Variants in RUNX1 observed in about 807,000 individuals in gnomAD.
RUNX1 encodes RUNX family transcription factor 1, also known as runt-related transcription factor 1.
In RUNX1, 19 loss-of-function variants were observed where a neutral mutation model predicts 42.8. That is an observed-to-expected ratio of 0.44 (90% CI 0.31 to 0.65). The LOEUF is 0.65. Among genes scored for constraint, RUNX1 ranks in the 30% least tolerant of loss-of-function variants. The pLI is 0.07. For missense variants in RUNX1, 528 were observed against 672.0 expected (o/e 0.79, Z 2.37); for synonymous variants, 271 against 289.4 (o/e 0.94, Z 0.64).
At position 34,789,516 on chromosome 21, in the gene RUNX1, C is replaced by T. The variant is rs568852182; in HGVS notation, c.*2619G>A. ...ATTGGCTTAAGGGTCTCATTGATACCTTAACTTTCCTGAGGGCAATGAATA... is the reference window on the plus strand; with the variant it reads ...ATTGGCTTAAGGGTCTCATTGATACTTTAACTTTCCTGAGGGCAATGAATA... On this transcript the variant is annotated 3_prime_UTR_variant, in exon 9 of 9. Transcript: ENST00000675419. 1 of 233,582 alleles carries T rather than the reference C, an allele frequency of 4.3e-6. No homozygotes were observed. The highest frequency in any genetic ancestry group is 6.0e-5 in the East Asian group (1 of 16,578). 14.5% of individuals were successfully genotyped at this position (233,582 alleles called of 1,614,324 possible).
At chr21:34,892,848 T>G in intron 3 of RUNX1, 77 bp downstream of exon 3, 1 of 847,578 alleles carries the variant, frequency 1.2e-6, no homozygotes. Flanking sequence ...TACATAGAGA[T>G]ACATAGATAT....
chr21:34,798,533 T>C (rs1403708209), intron 8 of RUNX1, among the ~76,000 whole-genome samples: 1 of 152,154 alleles, frequency 6.6e-6, no homozygotes, highest in Admixed American at 6.5e-5. Flanking sequence ...GAATGTCTAA[T>C]TTGGGGTATA....
chr21:34,793,599 A>G (rs1428760690), intron 8 of RUNX1, among the ~76,000 whole-genome samples: 1 of 152,178 alleles, frequency 6.6e-6, no homozygotes. Context: ...TTCGGAACAC[A>G]TCCTCACTCA....
At chr21:34,878,197 AAAAG>A (rs1397114151) in intron 5 of RUNX1, among the ~76,000 whole-genome samples, 6 of 151,354 alleles carry the variant, frequency 4.0e-5, no homozygotes, top group East Asian at 1.9e-4. Context: ...AGAAGAAGGA[AAAAG>A]AAAGAAAAAA....
intron 6 of RUNX1, among the ~76,000 whole-genome samples, chr21:34,852,722 G>A (rs2057439916): frequency 6.6e-6 from 1 of 152,134 alleles, no homozygotes; most frequent in Admixed American, 6.5e-5. Context: ...AGGTGGGAGG[G>A]GAGGAAGAAT....
intron 5 of RUNX1, among the ~76,000 whole-genome samples, chr21:34,870,387 C>A (rs1041531334): frequency 6.6e-6 from 1 of 152,238 alleles, no homozygotes; most frequent in Non-Finnish European, 1.5e-5. Context: ...TGTTCAAGGA[C>A]AGATAGCTCC....
intron 2 of RUNX1, among the ~76,000 whole-genome samples, chr21:34,945,009 T>C (rs1396780656): frequency 6.6e-6 from 1 of 152,218 alleles, no homozygotes; most frequent in African/African-American, 2.4e-5. Context: ...AAATGATCTG[T>C]TTCATAACTA....
intron 2 of RUNX1, among the ~76,000 whole-genome samples, chr21:34,940,718 A>G (rs2058520427): frequency 6.6e-6 from 1 of 152,228 alleles, no homozygotes; most frequent in Admixed American, 6.5e-5. Flanking sequence ...TTAGCCTTGA[A>G]CTGTGCTGCT....
At chr21:34,797,799 G>A (rs1950712732) in intron 8 of RUNX1, among the ~76,000 whole-genome samples, 2 of 152,144 alleles carry the variant, frequency 1.3e-5, no homozygotes, top group Non-Finnish European at 1.5e-5. Flanking sequence ...TACCACCCAA[G>A]AACACTGGAA....
chr21:34,944,158 G>A (rs1038960780), intron 2 of RUNX1, among the ~76,000 whole-genome samples: 8 of 152,058 alleles, frequency 5.3e-5, no homozygotes, highest in Admixed American at 4.6e-4. Context: ...ACAAATGCAT[G>A]CCACCAGGCC....
At chr21:35,023,881 ATAAAT>A (rs759286146) in intron 2 of RUNX1, among the ~76,000 whole-genome samples, 9 of 151,730 alleles carry the variant, frequency 5.9e-5, no homozygotes, top group South Asian at 2.1e-4. Flanking sequence ...TAATAAACAC[ATAAAT>A]TAAATATTAG....
chr21:34,942,284 C>A (rs1270486383), intron 2 of RUNX1, among the ~76,000 whole-genome samples: 1 of 151,626 alleles, frequency 6.6e-6, no homozygotes, highest in African/African-American at 2.4e-5. Context: ...ATTTATAAGA[C>A]TGCATTTTTG....
At chr21:34,878,360 A>AT (rs1270450688) in intron 5 of RUNX1, among the ~76,000 whole-genome samples, 2,880 of 133,246 alleles carry the variant, frequency 0.022, 59 homozygotes, top group East Asian at 0.057. Flanking sequence ...AAAAAAAAAA[A>AT]ATATATATAT....
At chr21:34,949,722 C>A (rs913263393) in intron 2 of RUNX1, among the ~76,000 whole-genome samples, 1 of 152,222 alleles carries the variant, frequency 6.6e-6, no homozygotes, top group African/African-American at 2.4e-5. Flanking sequence ...CCTGTCACAG[C>A]GTGGAGTGGG....
chr21:34,886,780 G>A lies in RUNX1; in HGVS notation c.351+63C>T, dbSNP rs1370265400. On this transcript the variant is annotated intron_variant, in intron 4 of 8. Transcript: ENST00000675419. ...CCCCGCCCGCCTGGCCGCTGCCCTC[G>A]CGGATCTCCCCCGGCCTCGCCGGCC... 23 of 1,608,772 alleles carry A rather than the reference G, an allele frequency of 1.4e-5. No homozygotes were observed. In the South Asian group the frequency reaches 2.0e-4, roughly 14 times the overall value.
chr21:35,038,572 C>CCTCTCTCTCTCTCTCT, intron 2 of RUNX1: 1 of 333,932 alleles, frequency 3.0e-6, no homozygotes, highest in Non-Finnish European at 5.6e-6. Flanking sequence ...TGAATGCTGG[C>CCTCTCTCTCTCTCTCT]CTCTCTCTCT....
At chr21:34,890,579 G>T (rs2058069695) in intron 3 of RUNX1, among the ~76,000 whole-genome samples, 2 of 152,146 alleles carry the variant, frequency 1.3e-5, no homozygotes, top group Non-Finnish European at 2.9e-5. Context: ...GCGGCCCGCG[G>T]CCTCAACCCT....
chr21:34,842,492 CAAAAAAAAAA>C (rs371971118), intron 6 of RUNX1, among the ~76,000 whole-genome samples: 1 of 52,218 alleles, frequency 1.9e-5, no homozygotes, highest in Non-Finnish European at 3.2e-5. Flanking sequence ...GAGACCTCTC[CAAAAAAAAAA>C]AAAAAAAAAA....
chr21:34,826,995 T>C (rs4446138), intron 7 of RUNX1, among the ~76,000 whole-genome samples: 7,233 of 152,254 alleles, frequency 0.048, 461 homozygotes, highest in African/African-American at 0.14. Context: ...AAGAAGACCT[T>C]AGAACTAGGG....
Sources: gnomAD v4.1 joint callset for allele counts (sites outside exome capture counted in the v4.1 genomes callset) on GRCh38, gnomAD v4.1.1 for gene constraint, MANE v1.5 for transcripts, NCBI Gene and HGNC (gene_info 2026-07-23, HGNC 2026-07-21) for gene names.